Variants in NPC1 observed in about 807,000 individuals in gnomAD.
NPC1 encodes NPC intracellular cholesterol transporter 1, also known as Niemann-Pick C1 protein.
Under a neutral mutation model 140.4 loss-of-function variants are expected in NPC1, and 85 were observed. The observed-to-expected ratio is 0.61, with a 90% CI of 0.51 to 0.72. The LOEUF (loss-of-function observed/expected upper bound fraction) is 0.72. Among genes scored for constraint, NPC1 ranks in the 30% least tolerant of loss-of-function variants. NPC1 has a pLI of 0.00. For synonymous variants in NPC1, 656 were observed against 624.8 expected, an observed-to-expected ratio of 1.05 and a Z score of -0.74; for missense variants, 1,504 against 1,623.8, an observed-to-expected ratio of 0.93 and a Z score of 1.27.
chr18:23,519,375 G>A (rs764268307), downstream of NPC1, among the ~76,000 whole-genome samples: 16 of 152,052 alleles, frequency 1.1e-4, no homozygotes, highest in Admixed American at 1.3e-4. Flanking sequence ...AAAATTAGCC[G>A]GGCGTGGTAG....
At chr18:23,526,766 G>A, downstream of NPC1, 2 of 1,613,846 alleles carry the variant, frequency 1.2e-6, no homozygotes, top group Non-Finnish European at 1.7e-6. Context: ...TGTTCACAGA[G>A]TAAGTTGAAT....
chr18:23,536,321 T>G (rs1175526584), intron 21 of NPC1, among the ~76,000 whole-genome samples: 1 of 152,184 alleles, frequency 6.6e-6, no homozygotes, highest in Admixed American at 6.5e-5. Flanking sequence ...AACCAGCAGT[T>G]AGGGATTCTG....
At chr18:23,565,971 A>C (rs2059118102) in intron 4 of NPC1, among the ~76,000 whole-genome samples, 1 of 152,256 alleles carries the variant, frequency 6.6e-6, no homozygotes, top group South Asian at 2.1e-4. Context: ...CGTATCTTCC[A>C]GCTCACCATT....
At chr18:23,561,613 G>C (rs2059040689) in intron 4 of NPC1, 86 bp from the exon 5 acceptor site, 1 of 1,347,810 alleles carries the variant, frequency 7.4e-7, no homozygotes. Flanking sequence ...CTCTTGAAGG[G>C]AAACACGAAC....
At chr18:23,517,953 G>A (rs1202890946), downstream of NPC1, among the ~76,000 whole-genome samples, 1 of 152,066 alleles carries the variant, frequency 6.6e-6, no homozygotes, top group Admixed American at 6.6e-5. Flanking sequence ...CCTGGGCTCG[G>A]GTGATCCTCC....
chr18:23,525,207 A>G (rs1363890455), downstream of NPC1, among the ~76,000 whole-genome samples: 9 of 151,836 alleles, frequency 5.9e-5, no homozygotes, highest in Non-Finnish European at 1.0e-4. Flanking sequence ...CGGCCTCCCA[A>G]AGTGCTGGGA....
In NPC1 at chr18:23,544,943, A is replaced by ACTCC. The variant is rs1555634621; in HGVS notation, c.1947+16_1947+17insGGAG. 3.3e-5 allele frequency: 34 copies of ACTCC among 1,042,298 alleles called. No homozygotes were observed. In the Admixed American group the frequency reaches 7.0e-4, roughly 22 times the overall value. 64.6% of individuals were successfully genotyped at this position (1,042,298 alleles called of 1,614,324 possible). ...GCTGTTAACCTCTAGAACATACACC[A>ACTCC]CCCCCCCCCGGCTTACCAGAAGCCT... On this transcript the variant is annotated intron_variant, in intron 12 of 24. Coordinates refer to ENST00000269228, the MANE Select transcript of NPC1 (RefSeq NM_000271.5).
At chr18:23,557,270 T>C (rs746183248) in intron 6 of NPC1, 80 bp from the exon 7 acceptor site, 2 of 1,050,974 alleles carry the variant, frequency 1.9e-6, no homozygotes, top group Non-Finnish European at 2.9e-6. Context: ...TGTAATCCCA[T>C]GAAATGCTTT....
chr18:23,563,986 A>AGTTT (rs1363360111), intron 4 of NPC1, among the ~76,000 whole-genome samples: 3,178 of 56,632 alleles, frequency 0.056, 174 homozygotes, highest in African/African-American at 0.24. Context: ...GAGTAGTAAG[A>AGTTT]GTTTTTTTTT....
At position 23,532,093 on chromosome 18, in the gene NPC1, A is replaced by C. The variant is rs188980155; in HGVS notation, c.*109T>G. ...GTTCAAAGCTGCTGCCAAACAACCG[A>C]TGGTTGGCACCATCCGGTGTTCAAC... On this transcript the variant is annotated 3_prime_UTR_variant, in exon 25 of 25. Transcript: ENST00000269228. 31 of 1,612,488 alleles carry C rather than the reference A, an allele frequency of 1.9e-5. No individual in the cohort carries two copies. The highest frequency in any genetic ancestry group is 1.7e-4 in the Admixed American group (10 of 59,918).
chr18:23,536,332 G>T lies in NPC1; in HGVS notation c.3245+341C>A, dbSNP rs977713146. ...AAATAACCAGCAGTTAGGGATTCTGGTTCATTGTTGGCCAAGAATGTGGGC... is the reference window on the plus strand; with the variant it reads ...AAATAACCAGCAGTTAGGGATTCTGTTTCATTGTTGGCCAAGAATGTGGGC... On this transcript the variant is annotated intron_variant, in intron 21 of 24. Transcript: ENST00000269228. Among the ~76,000 whole-genome samples the T allele has an allele frequency of 3.9e-5, 6 of 152,184 alleles. No individual in the cohort carries two copies. In the East Asian group the frequency reaches 1.2e-3, roughly 29 times the overall value.
At chr18:23,541,885 T>A (rs2058717876) in intron 14 of NPC1, among the ~76,000 whole-genome samples, 1 of 152,214 alleles carries the variant, frequency 6.6e-6, no homozygotes, top group Admixed American at 6.5e-5. Context: ...GGGTAAGACT[T>A]GGAAACTGCA....
At chr18:23,516,668 TA>T (rs2058014009) in intron 3 of NPC1, among the ~76,000 whole-genome samples, 1 of 152,130 alleles carries the variant, frequency 6.6e-6, no homozygotes, top group Non-Finnish European at 1.5e-5. Flanking sequence ...TCTAGCCTGA[TA>T]AAACAAGAAC....
At position 23,544,943 on chromosome 18, in the gene NPC1, A is replaced by ACCACCCCCCCCCCC. The variant is rs55809701; in HGVS notation, c.1947+16_1947+17insGGGGGGGGGGGTGG. The ACCACCCCCCCCCCC allele has an allele frequency of 1.3e-6, 1 of 783,212 alleles. No homozygotes were observed. The highest frequency in any genetic ancestry group is 1.8e-6 in the Non-Finnish European group (1 of 540,984). The allele number at this position is 783,212 out of a possible 1,614,324, so 48.5% of individuals were successfully genotyped here. A position where few individuals can be genotyped will look rare whatever the true frequency, so the allele number is the denominator to read the frequency against. ...GCTGTTAACCTCTAGAACATACACC[A>ACCACCCCCCCCCCC]CCCCCCCCCGGCTTACCAGAAGCCT... On this transcript the variant is annotated intron_variant, in intron 12 of 24. Transcript: ENST00000269228.
intron 24 of NPC1, 118 bp from the exon 25 acceptor site, chr18:23,532,402 G>T: frequency 1.9e-6 from 2 of 1,042,238 alleles, no homozygotes; most frequent in Non-Finnish European, 3.0e-6. Flanking sequence ...AATTGCTTGA[G>T]ACCAGCCTGG....
chr18:23,525,806 C>A (rs1288030852), downstream of NPC1, among the ~76,000 whole-genome samples: 2 of 152,140 alleles, frequency 1.3e-5, no homozygotes, highest in Non-Finnish European at 2.9e-5. Context: ...ATTAGAGAAT[C>A]TCCTATGTTA....
chr18:23,554,562 C>T (rs933282666), intron 9 of NPC1, among the ~76,000 whole-genome samples, 196 bp downstream of exon 9: 6 of 151,064 alleles, frequency 4.0e-5, no homozygotes, highest in Admixed American at 2.6e-4. Flanking sequence ...GCCAAGATTG[C>T]GCCACTGCAC....
intron 9 of NPC1, among the ~76,000 whole-genome samples, chr18:23,553,881 C>A (rs1364456821): frequency 6.6e-6 from 1 of 152,196 alleles, no homozygotes; most frequent in Non-Finnish European, 1.5e-5. Context: ...AGCTGCAGAC[C>A]TATACTGCCT....
chr18:23,528,173 T>C, downstream of NPC1: 2 of 319,732 alleles, frequency 6.3e-6, no homozygotes, highest in Admixed American at 4.6e-5. Context: ...TGTAGATCCT[T>C]GGTCTACTGT....
Sources: allele counts gnomAD v4.1 joint callset (sites outside exome capture counted in the v4.1 genomes callset), GRCh38; gene constraint gnomAD v4.1.1; transcripts MANE v1.5; gene names NCBI Gene and HGNC (gene_info 2026-07-23, HGNC 2026-07-21).